The following KATNBL1 variants were observed in gnomAD, a reference collection of about 807,000 sequenced individuals.
The protein encoded by KATNBL1 is KATNB1-like protein 1.
In KATNBL1, 28 loss-of-function variants were observed where a neutral mutation model predicts 44.7. The ratio of observed to expected loss-of-function variants is 0.63; its 90% confidence interval spans 0.46 to 0.86. The LOEUF (loss-of-function observed/expected upper bound fraction) is 0.86, where lower values mean the gene tolerates loss of function less well. KATNBL1 is among the 40% of genes least tolerant of loss of function. The probability of loss-of-function intolerance (pLI) is 0.00; values close to 1 mark genes in which losing one functional copy is unlikely to be tolerated. For synonymous variants in KATNBL1, 78 were observed against 114.9 expected (o/e 0.68, Z 2.06); for missense variants, 272 against 350.7 (o/e 0.78, Z 1.79).
At chr15:34,187,387 T>C (rs1463170101) in intron 1 of KATNBL1, among the ~76,000 whole-genome samples, 1 of 152,166 alleles carries the variant, frequency 6.6e-6, no homozygotes. Context: ...CACCCTTCAC[T>C]TGTCTGTGTA....
intron 1 of KATNBL1, among the ~76,000 whole-genome samples, chr15:34,165,077 T>C (rs1049608138): frequency 6.6e-6 from 1 of 152,196 alleles, no homozygotes; most frequent in African/African-American, 2.4e-5. Context: ...GTGAGATTTT[T>C]TGAAAAGTAA....
chr15:34,158,082 A>G (rs1384762365), intron 2 of KATNBL1, among the ~76,000 whole-genome samples: 4 of 152,198 alleles, frequency 2.6e-5, no homozygotes, highest in African/African-American at 7.2e-5. Flanking sequence ...TCTTAATTCC[A>G]GATACCTTCC....
intron 1 of KATNBL1, among the ~76,000 whole-genome samples, chr15:34,181,351 T>C (rs1327655759): frequency 6.6e-6 from 1 of 152,038 alleles, no homozygotes; most frequent in East Asian, 1.9e-4. Flanking sequence ...AGAAACATAG[T>C]TTTTGGAACT....
At chr15:34,198,601 TACAAA>T (rs1257799487) in intron 1 of KATNBL1, among the ~76,000 whole-genome samples, 1 of 152,186 alleles carries the variant, frequency 6.6e-6, no homozygotes, top group Non-Finnish European at 1.5e-5. Context: ...CCATAACTAA[TACAAA>T]AGTGTTCCAA....
intron 1 of KATNBL1, among the ~76,000 whole-genome samples, chr15:34,190,369 C>G (rs763043510): frequency 6.6e-6 from 1 of 152,176 alleles, no homozygotes; most frequent in Non-Finnish European, 1.5e-5. Context: ...ACTAAAAACG[C>G]AGAAGCAGTT....
chr15:34,201,675 A>C (rs1290814790), intron 1 of KATNBL1, among the ~76,000 whole-genome samples: 1 of 152,206 alleles, frequency 6.6e-6, no homozygotes, highest in Non-Finnish European at 1.5e-5. Context: ...CCCTGTTAGA[A>C]TAACCCAGTA....
At position 34,177,633 on chromosome 15, in the gene KATNBL1, T is replaced by TAAAAAAA. The variant is rs10524351; in HGVS notation, c.-14-13950_-14-13944dup. 2.2e-5 allele frequency among the ~76,000 whole-genome samples: 2 copies of TAAAAAAA among 91,906 alleles called. 1 individual carries two copies. Among genetic ancestry groups the TAAAAAAA allele is most frequent in the Non-Finnish European group, 4.1e-5 (2 of 48,958 alleles). 60.3% of individuals were successfully genotyped at this position (91,906 alleles called of 152,430 possible). On this transcript the variant is annotated intron_variant, in intron 1 of 9. Transcript: ENST00000256544. ...GGGTGACAAGAGCAAAACTCTGTCT[T>TAAAAAAA]AAAAAAAAAAAGGATTAAACAGCTC...
At chr15:34,198,085 G>A (rs34764228) in intron 1 of KATNBL1, among the ~76,000 whole-genome samples, 2 of 152,086 alleles carry the variant, frequency 1.3e-5, no homozygotes. Flanking sequence ...AAAAGAGGAC[G>A]ATACGCTAAT....
At chr15:34,146,879 A>AG in intron 7 of KATNBL1, 29 bp from the exon 8 acceptor site, 1 of 1,403,572 alleles carries the variant, frequency 7.1e-7, no homozygotes, top group Non-Finnish European at 1.0e-6. Flanking sequence ...ACAAAATTCA[A>AG]GTGTTTTCAT....
chr15:34,143,336 A>C (rs1888207515), intron 9 of KATNBL1, among the ~76,000 whole-genome samples: 1 of 151,946 alleles, frequency 6.6e-6, no homozygotes, highest in African/African-American at 2.4e-5. Context: ...TTAGCCAGGC[A>C]TGTGTGTAAT....
intron 1 of KATNBL1, 42 bp downstream of exon 1, chr15:34,209,909 A>G (rs1160071967): frequency 1.3e-5 from 2 of 151,704 alleles, no homozygotes; most frequent in African/African-American, 4.8e-5. Context: ...AGGGCAGGGC[A>G]GCTGCGGGCG....
intron 2 of KATNBL1, among the ~76,000 whole-genome samples, chr15:34,162,063 A>G (rs1188612966): frequency 6.6e-6 from 1 of 152,248 alleles, no homozygotes; most frequent in Non-Finnish European, 1.5e-5. Flanking sequence ...TAAGTTTTTC[A>G]GATTAATGTT....
rs1050721763 is a variant in KATNBL1, at chr15:34,171,585, G to A, written c.-14-7895C>T. ...ATTTGGCCCAGTGATCCCATTACTGGGTATATACCCAAAGGATTATAAATC... is the reference window on the plus strand; with the variant it reads ...ATTTGGCCCAGTGATCCCATTACTGAGTATATACCCAAAGGATTATAAATC... On this transcript the variant is annotated intron_variant, in intron 1 of 9. Coordinates refer to ENST00000256544, the MANE Select transcript of KATNBL1 (RefSeq NM_024713.3). Among the ~76,000 whole-genome samples the A allele has an allele frequency of 2.0e-5, 3 of 152,056 alleles. No homozygotes were observed. In the East Asian group the frequency reaches 5.8e-4, roughly 29 times the overall value.
intron 2 of KATNBL1, among the ~76,000 whole-genome samples, chr15:34,158,001 A>G (rs992118382): frequency 5.9e-5 from 9 of 152,326 alleles, no homozygotes; most frequent in Admixed American, 5.9e-4. Flanking sequence ...GTGATCTACT[A>G]TTACTAATAA....
At chr15:34,145,578 C>G (rs549314594) in intron 8 of KATNBL1, 87 bp from the exon 9 acceptor site, 366 of 1,160,106 alleles carry the variant, frequency 3.2e-4, no homozygotes, top group Non-Finnish European at 3.9e-4. Flanking sequence ...AAAAACTGTT[C>G]TAAAATTTTT....
rs563880791 is a variant in KATNBL1 at position 34,183,138 on chromosome 15, AAAGT to A, written c.-14-19452_-14-19449del. On this transcript the variant is annotated intron_variant, in intron 1 of 9. Coordinates refer to ENST00000256544, the MANE Select transcript of KATNBL1 (RefSeq NM_024713.3). ...CCTGGAGGTGCCAGAAACATTCCTC[AAAGT>A]ATCTGGAATTTTCGTTTTGACTGGC... 3.5e-3 allele frequency among the ~76,000 whole-genome samples: 536 copies of A among 152,282 alleles called. 2 individuals are homozygous for A. Among genetic ancestry groups the A allele is most frequent in the Middle Eastern group, 0.01 (3 of 294 alleles).
chr15:34,163,759 A>C, intron 1 of KATNBL1, 69 bp from the exon 2 acceptor site: 1 of 827,022 alleles, frequency 1.2e-6, no homozygotes, highest in Non-Finnish European at 1.9e-6. Context: ...CACACACACA[A>C]ACATACAACA....
intron 3 of KATNBL1, among the ~76,000 whole-genome samples, chr15:34,153,937 A>C (rs1888558857): frequency 1.3e-5 from 2 of 152,226 alleles, no homozygotes; most frequent in African/African-American, 4.8e-5. Context: ...ATCATTTGTT[A>C]ATTCATTCAA....
intron 1 of KATNBL1, among the ~76,000 whole-genome samples, chr15:34,166,406 G>A (rs1419987675): frequency 6.6e-6 from 1 of 152,248 alleles, no homozygotes; most frequent in Non-Finnish European, 1.5e-5. Context: ...CACTGCTGAG[G>A]CTTGAGTAGG....
Sources: gnomAD v4.1 joint callset for allele counts (sites outside exome capture counted in the v4.1 genomes callset) on GRCh38, gnomAD v4.1.1 for gene constraint, MANE v1.5 for transcripts, NCBI Gene and HGNC (gene_info 2026-07-23, HGNC 2026-07-21) for gene names.